Variants in CD83 observed in about 807,000 individuals in gnomAD.
The protein encoded by CD83 is CD83 antigen.
A neutral mutation model predicts 24.6 loss-of-function variants in CD83; 22 were observed. The ratio of observed to expected loss-of-function variants is 0.90; its 90% CI spans 0.64 to 1.28. The LOEUF is 1.28. CD83 is among the 50% of genes most tolerant of loss of function. The pLI is 0.00. For missense variants in CD83, 253 were observed against 252.8 expected, an observed-to-expected ratio of 1.00 and a Z score of -0.01; for synonymous variants, 101 against 103.5, an observed-to-expected ratio of 0.98 and a Z score of 0.14.
At position 14,117,993 on chromosome 6, in the gene CD83, C is replaced by T. The variant is rs200320680; in HGVS notation, c.81C>T (p.Cys27=). 2 of 1,611,502 alleles carry T rather than the reference C, an allele frequency of 1.2e-6. No homozygotes were observed. Among genetic ancestry groups the T allele is most frequent in the East Asian group, 2.2e-5 (1 of 44,728 alleles). ...APATPEVKVA[C]SEDVDLPCTA... ...CGACGCCGGAGGTGAAGGTGGCTTG[C>T]TCCGAAGATGTGGACTTGCCCTGCA... is the stretch of plus-strand genomic sequence containing the variant. The change falls in exon 2 of 5, where the codon TGC becomes TGT. Residue 27 remains cysteine, a synonymous_variant. Coordinates refer to ENST00000379153, the MANE Select transcript of CD83 (RefSeq NM_004233.4). The surrounding 1 kb of genome is among the most constrained non-coding windows in gnomAD (Gnocchi z 4.6).
chr6:14,134,267 G>A (rs960298658), intron 4 of CD83, among the ~76,000 whole-genome samples: 1 of 152,262 alleles, frequency 6.6e-6, no homozygotes, highest in African/African-American at 2.4e-5. Context: ...AGAAGCCAGA[G>A]CAGTGAGGCA....
intron 2 of CD83, among the ~76,000 whole-genome samples, chr6:14,131,191 A>C (rs1432859129): frequency 6.6e-6 from 1 of 152,246 alleles, no homozygotes; most frequent in Non-Finnish European, 1.5e-5. Flanking sequence ...CTATCTATAC[A>C]TGTATACATA....
rs1365728960 is a variant in CD83 at position 14,135,122 on chromosome 6, A to G, written c.504A>G (p.Leu168=). The G allele has an allele frequency of 6.2e-7, 1 of 1,614,036 alleles. No homozygotes were observed. The highest frequency in any genetic ancestry group is 8.5e-7 in the Non-Finnish European group (1 of 1,180,000). Residue 168 remains leucine, a synonymous_variant, in exon 5 of 5, where the codon CTA becomes CTG. Transcript: ENST00000379153. ...LIIFTCKFAR[L]QSIFPDFSKA... ...TTTCTTTTTAGAAGTTTGCACGGCTACAGAGTATCTTCCCAGATTTTTCTA... is the reference window on the plus strand; with the variant it reads ...TTTCTTTTTAGAAGTTTGCACGGCTGCAGAGTATCTTCCCAGATTTTTCTA...
chr6:14,117,886 C>T lies in CD83; in HGVS notation c.37+38C>T, dbSNP rs369115814. On this transcript the variant is annotated intron_variant, in intron 1 of 4. Coordinates refer to ENST00000379153, the MANE Select transcript of CD83 (RefSeq NM_004233.4). The surrounding 1 kb of genome is among the most constrained non-coding windows in gnomAD (Gnocchi z 4.6). ...AGCGCCTGTCTCGCCTGTCGCCCCC[C>T]GCCCCTCCACGACACCCCCTCCCGT... 13 of 1,578,176 alleles carry T rather than the reference C, an allele frequency of 8.2e-6. No homozygotes were observed. The African/African-American group carries it at 1.5e-4, about 18-fold the overall frequency.
At chr6:14,133,096 T>C (rs1341352572) in intron 3 of CD83, among the ~76,000 whole-genome samples, 2 of 152,264 alleles carry the variant, frequency 1.3e-5, no homozygotes, top group Admixed American at 6.5e-5. Flanking sequence ...TGAATGATTC[T>C]AGAAAAATCT....
At chr6:14,132,061 C>A (rs940942507) in intron 3 of CD83, among the ~76,000 whole-genome samples, 1 of 152,194 alleles carries the variant, frequency 6.6e-6, no homozygotes, top group Non-Finnish European at 1.5e-5. Context: ...AATTGGACTT[C>A]GGGTAATATT....
At chr6:14,122,354 CT>C (rs1200248301) in intron 2 of CD83, among the ~76,000 whole-genome samples, 3 of 152,150 alleles carry the variant, frequency 2.0e-5, no homozygotes, top group Non-Finnish European at 2.9e-5. Context: ...TTTTCTGTCT[CT>C]ACCATCTTGT....
At chr6:14,123,595 A>C (rs1321948614) in intron 2 of CD83, among the ~76,000 whole-genome samples, 1 of 152,096 alleles carries the variant, frequency 6.6e-6, no homozygotes, top group Non-Finnish European at 1.5e-5. Flanking sequence ...GCAAGGAAGA[A>C]TGAGGCCGCC....
chr6:14,121,439 A>G (rs1280082208), intron 2 of CD83, among the ~76,000 whole-genome samples: 1 of 151,630 alleles, frequency 6.6e-6, no homozygotes, highest in Non-Finnish European at 1.5e-5. Context: ...AGCCTCCCAA[A>G]GTGCTAGGAT....
At chr6:14,119,360 T>G (rs557904373) in intron 2 of CD83, among the ~76,000 whole-genome samples, 1 of 152,368 alleles carries the variant, frequency 6.6e-6, no homozygotes, top group African/African-American at 2.4e-5. Context: ...GAAATTGTTC[T>G]CATAGTCAAA....
intron 2 of CD83, among the ~76,000 whole-genome samples, chr6:14,128,590 G>C (rs114854603): frequency 5.3e-5 from 8 of 152,112 alleles, no homozygotes; most frequent in African/African-American, 1.9e-4. Context: ...TAGGTTTTGC[G>C]GATAGTTCTC....
intron 2 of CD83, among the ~76,000 whole-genome samples, chr6:14,124,659 T>G (rs182905885): frequency 2.0e-5 from 3 of 152,264 alleles, no homozygotes; most frequent in East Asian, 3.9e-4. Context: ...TAGGAGTCTT[T>G]CAGTTGTGAG....
chr6:14,117,769 G>T, upstream of CD83: 1 of 1,373,150 alleles, frequency 7.3e-7, no homozygotes, highest in Non-Finnish European at 9.4e-7. This position sits in a 1 kb window ranked among gnomAD's most constrained non-coding sequence, Gnocchi z 4.6. Context: ...GCGCCCGCGC[G>T]CCACAGCTCT....
intron 2 of CD83, 151 bp downstream of exon 2, chr6:14,118,216 C>T (rs1373784723): frequency 3.4e-6 from 2 of 585,518 alleles, no homozygotes; most frequent in South Asian, 4.2e-5. Flanking sequence ...AGCCTCCCGT[C>T]GCGCCTCCCC....
intron 3 of CD83, among the ~76,000 whole-genome samples, chr6:14,133,053 C>G (rs897461209): frequency 6.6e-6 from 1 of 152,210 alleles, no homozygotes; most frequent in East Asian, 1.9e-4. Flanking sequence ...TGTTCTTCCA[C>G]CCAACCATGC....
intron 2 of CD83, among the ~76,000 whole-genome samples, chr6:14,130,527 C>G (rs1361725483): frequency 6.6e-6 from 1 of 152,120 alleles, no homozygotes; most frequent in African/African-American, 2.4e-5. Context: ...GAGTTCAAGA[C>G]CAGCTTGGGC....
rs776808603 is a variant in CD83, at chr6:14,118,059, G to A, written c.147G>A (p.Trp49Ter). Reference protein sequence around the residue: ...WDPQVPYTVSWVKLLEGGEER... With the variant: ...WDPQVPYTVS ...CGCAGGTTCCCTACACGGTCTCCTG[G>A]GTCAAGGTAGGTGCTGCGATACCCA... is the stretch of plus-strand genomic sequence containing the variant. Residue 49 changes from tryptophan to a stop codon, truncating the protein, a stop_gained, in exon 2 of 5, where the codon TGG (tryptophan) becomes TGA (stop). Coordinates refer to ENST00000379153, the MANE Select transcript of CD83 (RefSeq NM_004233.4). LOFTEE classifies it high-confidence loss of function. 1 of 1,603,458 alleles carries A rather than the reference G, an allele frequency of 6.2e-7. No homozygotes were observed. Among genetic ancestry groups the A allele is most frequent in the Non-Finnish European group, 8.5e-7 (1 of 1,175,450 alleles).
In CD83 at chr6:14,129,754, A is replaced by C. The variant is rs969665503; in HGVS notation, c.154-1766A>C. 2.0e-5 allele frequency among the ~76,000 whole-genome samples: 3 copies of C among 152,160 alleles called. No homozygotes were observed. The highest frequency in any genetic ancestry group is 2.9e-5 in the Non-Finnish European group (2 of 68,042). On this transcript the variant is annotated intron_variant, in intron 2 of 4. Transcript: ENST00000379153. This position sits in a 1 kb window ranked among gnomAD's most constrained non-coding sequence, Gnocchi z 4.3. ...TGTAGCCCACTCTACAGGAATGCTC[A>C]CAAACACCAGGGCTGGAGCCTGAGC...
chr6:14,129,839 G>A lies in CD83; in HGVS notation c.154-1681G>A, dbSNP rs199615563. 8.1e-6 allele frequency among the ~76,000 whole-genome samples: 1 copy of A among 123,588 alleles called. No homozygotes were observed. The highest frequency in any genetic ancestry group is 7.6e-5 in the Admixed American group (1 of 13,208). The allele number at this position is 123,588 out of a possible 152,430, so 81.1% of individuals were successfully genotyped here. ...ATAAATGAAGCAGAAATGACTGTGTGTGTGTGTGTGTGTGTGTGTGTGTGT... is the reference window on the plus strand; with the variant it reads ...ATAAATGAAGCAGAAATGACTGTGTATGTGTGTGTGTGTGTGTGTGTGTGT... On this transcript the variant is annotated intron_variant, in intron 2 of 4. Transcript: ENST00000379153. This position sits in a 1 kb window ranked among gnomAD's most constrained non-coding sequence, Gnocchi z 4.3.
Sources: gnomAD v4.1 joint callset for allele counts (sites outside exome capture counted in the v4.1 genomes callset) on GRCh38, gnomAD v4.1.1 for gene constraint, Gnocchi (gnomAD v3.1) non-coding constraint, MANE v1.5 for transcripts, NCBI Gene and HGNC (gene_info 2026-07-23, HGNC 2026-07-21) for gene names.